FAM168A: variants seen among roughly 807,000 people sequenced by gnomAD.
The protein encoded by FAM168A is family with sequence similarity 168 member A.
Under a neutral mutation model 28.5 loss-of-function variants are expected in FAM168A, and 3 were observed. The observed-to-expected ratio is 0.11, with a 90% CI of 0.05 to 0.27. FAM168A has a LOEUF of 0.27. Ranked by LOEUF, FAM168A falls within the 10% of genes least tolerant of loss-of-function variation. The probability of loss-of-function intolerance (pLI) is 1.00; values close to 1 mark genes in which losing one functional copy is unlikely to be tolerated. For missense variants in FAM168A, 222 were observed against 311.5 expected, an observed-to-expected ratio of 0.71 and a Z score of 2.16; for synonymous variants, 122 against 124.2, an observed-to-expected ratio of 0.98 and a Z score of 0.12.
At chr11:73,562,634 C>A (rs1943972934) in intron 1 of FAM168A, among the ~76,000 whole-genome samples, 2 of 152,144 alleles carry the variant, frequency 1.3e-5, no homozygotes, top group South Asian at 4.1e-4. Flanking sequence ...CAAGATCAAC[C>A]TGGCCAACAC....
chr11:73,462,128 G>T (rs974175100), intron 2 of FAM168A, among the ~76,000 whole-genome samples: 4 of 152,242 alleles, frequency 2.6e-5, no homozygotes, highest in Admixed American at 2.0e-4. Flanking sequence ...ATACCCAAAA[G>T]AATTGAAAGC....
intron 3 of FAM168A, among the ~76,000 whole-genome samples, chr11:73,421,674 A>T (rs1866795226): frequency 6.6e-6 from 1 of 152,230 alleles, no homozygotes; most frequent in Admixed American, 6.5e-5. Context: ...AAATCTTATC[A>T]ACATGTCTCC....
chr11:73,484,640 A>ATATC (rs375730509), intron 1 of FAM168A, among the ~76,000 whole-genome samples: 1 of 145,576 alleles, frequency 6.9e-6, no homozygotes, highest in Admixed American at 6.9e-5. Flanking sequence ...ATCTATATCG[A>ATATC]TATCTATCTA....
At chr11:73,433,404 T>A (rs1269720258) in intron 2 of FAM168A, among the ~76,000 whole-genome samples, 1 of 152,080 alleles carries the variant, frequency 6.6e-6, no homozygotes, top group Non-Finnish European at 1.5e-5. Context: ...AATTTACCTA[T>A]TTTTTTCTTT....
intron 3 of FAM168A, chr11:73,421,031 G>A (rs534936013): frequency 1.4e-5 from 2 of 140,922 alleles, no homozygotes; most frequent in East Asian, 2.2e-4. Flanking sequence ...ATGGTAAAAC[G>A]AAGAATTTTA....
intron 1 of FAM168A, among the ~76,000 whole-genome samples, chr11:73,485,902 C>A (rs1868046878): frequency 6.6e-6 from 1 of 152,158 alleles, no homozygotes; most frequent in Non-Finnish European, 1.5e-5. Flanking sequence ...AGCCAGGGAA[C>A]TCTATTCTTC....
intron 1 of FAM168A, among the ~76,000 whole-genome samples, chr11:73,545,021 A>ATAT (rs373667962): frequency 9.9e-5 from 9 of 91,022 alleles, no homozygotes; most frequent in Non-Finnish European, 1.3e-4. Flanking sequence ...TATATATAGT[A>ATAT]TATATAATAT....
intron 1 of FAM168A, among the ~76,000 whole-genome samples, chr11:73,544,231 A>G (rs1211008517): frequency 6.6e-6 from 1 of 152,220 alleles, no homozygotes; most frequent in Non-Finnish European, 1.5e-5. Context: ...CCAAAATGAT[A>G]TACCATTTCA....
Position 73,437,529 on chromosome 11 carries a change from G to A in FAM168A, c.71-6759C>T, listed in dbSNP as rs185030222. 6.3e-5 allele frequency among the ~76,000 whole-genome samples: 9 copies of A among 142,604 alleles called. No homozygotes were observed. The East Asian group carries it at 1.9e-3, about 30-fold the overall frequency. 93.6% of individuals were successfully genotyped at this position (142,604 alleles called of 152,430 possible). The stretch of plus-strand genomic sequence containing the variant: ...AGCAATTCTTCTGCCTCAGCCTCCC[G>A]CAGCATACTCTTCTAATGATGGTAT... On this transcript the variant is annotated intron_variant, in intron 2 of 7. Transcript: ENST00000356467.
At chr11:73,508,390 C>A (rs1855156376) in intron 1 of FAM168A, among the ~76,000 whole-genome samples, 1 of 152,102 alleles carries the variant, frequency 6.6e-6, no homozygotes, top group African/African-American at 2.4e-5. Context: ...TTCTAGCCTC[C>A]CTTCAAACAT....
At chr11:73,424,923 G>T in intron 3 of FAM168A, 1 of 1,013,250 alleles carries the variant, frequency 9.9e-7, no homozygotes, top group Non-Finnish European at 1.4e-6. Context: ...CCAAGCCTAG[G>T]GGATGGGATT....
intron 4 of FAM168A, among the ~76,000 whole-genome samples, chr11:73,416,227 G>A (rs1430737323): frequency 6.6e-6 from 1 of 152,184 alleles, no homozygotes; most frequent in Non-Finnish European, 1.5e-5. Context: ...AGAATCAAAT[G>A]GGATAATAAA....
intron 1 of FAM168A, among the ~76,000 whole-genome samples, chr11:73,532,420 G>C (rs988025117): frequency 6.6e-6 from 1 of 152,112 alleles, no homozygotes; most frequent in Non-Finnish European, 1.5e-5. Flanking sequence ...AATGGATCCT[G>C]GAGCCCTAAG....
intron 2 of FAM168A, among the ~76,000 whole-genome samples, chr11:73,456,135 T>C (rs539110680): frequency 5.3e-5 from 8 of 152,188 alleles, no homozygotes; most frequent in African/African-American, 1.2e-4. Flanking sequence ...ATAAAATATA[T>C]AAAGCATGGA....
At chr11:73,425,407 G>A (rs1413448600) in intron 3 of FAM168A, among the ~76,000 whole-genome samples, 1 of 152,198 alleles carries the variant, frequency 6.6e-6, no homozygotes, top group Non-Finnish European at 1.5e-5. Context: ...ATGTGTTAGA[G>A]GAAGTGAAGG....
At chr11:73,517,685 T>G (rs1324589838) in intron 1 of FAM168A, among the ~76,000 whole-genome samples, 1 of 152,214 alleles carries the variant, frequency 6.6e-6, no homozygotes, top group Non-Finnish European at 1.5e-5. Flanking sequence ...TCTTTTATAC[T>G]ATACAACCTT....
At chr11:73,475,298 A>AT (rs1266611548) in intron 1 of FAM168A, among the ~76,000 whole-genome samples, 2 of 151,640 alleles carry the variant, frequency 1.3e-5, no homozygotes, top group Non-Finnish European at 2.9e-5. Context: ...AAAATGGTAA[A>AT]TTTTTCAAAT....
intron 2 of FAM168A, among the ~76,000 whole-genome samples, chr11:73,445,092 T>C (rs2134537006): frequency 6.6e-6 from 1 of 152,232 alleles, no homozygotes; most frequent in Non-Finnish European, 1.5e-5. Flanking sequence ...AAACCCTGTC[T>C]CTACTAAAAG....
At chr11:73,413,053 T>G (rs975373113) in intron 4 of FAM168A, among the ~76,000 whole-genome samples, 1 of 152,142 alleles carries the variant, frequency 6.6e-6, no homozygotes, top group Non-Finnish European at 1.5e-5. Flanking sequence ...AAACAAAAAT[T>G]CCATGGTTCT....
Sources: gnomAD v4.1 joint callset for allele counts (sites outside exome capture counted in the v4.1 genomes callset) on GRCh38, gnomAD v4.1.1 for gene constraint, MANE v1.5 for transcripts, NCBI Gene and HGNC (gene_info 2026-07-23, HGNC 2026-07-21) for gene names.